Variants in ART3 observed in about 807,000 individuals in gnomAD.
The protein encoded by ART3 is ecto-ADP-ribosyltransferase 3.
In ART3, 49 loss-of-function variants were observed where a neutral mutation model predicts 48.5. The observed-to-expected ratio is 1.01, with a 90% CI of 0.80 to 1.28. ART3 has a LOEUF of 1.28. ART3 is among the 50% of genes most tolerant of loss of function. The pLI is 0.00. For synonymous variants in ART3, 145 were observed against 157.2 expected (o/e 0.92, Z 0.58); for missense variants, 438 against 454.3 (o/e 0.96, Z 0.33).
chr4:76,090,037 G>A (rs7670483), intron 3 of ART3, among the ~76,000 whole-genome samples: 16,209 of 152,078 alleles, frequency 0.11, 1,188 homozygotes, highest in East Asian at 0.34. Flanking sequence ...CTGAGATTGC[G>A]CCATTGCACT....
chr4:76,077,668 C>A (rs191743837), intron 2 of ART3, among the ~76,000 whole-genome samples: 1 of 152,108 alleles, frequency 6.6e-6, no homozygotes, highest in Non-Finnish European at 1.5e-5. Flanking sequence ...TGATTCATAG[C>A]AAAATTACCT....
intron 1 of ART3, chr4:76,035,085 G>C (rs1268262002): frequency 6.2e-7 from 1 of 1,613,872 alleles, no homozygotes; most frequent in East Asian, 2.2e-5. Flanking sequence ...TTGGGATTTA[G>C]GCATCGTTGT....
intron 1 of ART3, among the ~76,000 whole-genome samples, chr4:76,033,016 T>C (rs4345214): frequency 0.61 from 92,787 of 151,710 alleles, 29,459 homozygotes; most frequent in East Asian, 0.94. Flanking sequence ...TAATGCAATA[T>C]AGATATATCT....
chr4:76,048,151 GA>G, intron 1 of ART3, among the ~76,000 whole-genome samples: 1 of 152,052 alleles, frequency 6.6e-6, no homozygotes, highest in Middle Eastern at 3.4e-3. Flanking sequence ...AGGATATGGG[GA>G]TAAGCTGAGA....
At chr4:76,078,155 T>A (rs1018696394) in intron 2 of ART3, among the ~76,000 whole-genome samples, 5 of 152,134 alleles carry the variant, frequency 3.3e-5, no homozygotes, top group Admixed American at 1.3e-4. Flanking sequence ...TTTTTTAGTA[T>A]CTGTTCAGTT....
At chr4:76,039,357 T>C (rs1268909277) in intron 1 of ART3, among the ~76,000 whole-genome samples, 3 of 152,152 alleles carry the variant, frequency 2.0e-5, no homozygotes, top group Non-Finnish European at 2.9e-5. Context: ...AACTAGGTAT[T>C]AAAAGAGGTA....
chr4:76,051,505 T>C (rs936270262), intron 1 of ART3, among the ~76,000 whole-genome samples: 2 of 152,212 alleles, frequency 1.3e-5, no homozygotes, highest in Non-Finnish European at 2.9e-5. Context: ...GAATAATGCA[T>C]GTTTTAATGC....
upstream of ART3, among the ~76,000 whole-genome samples, chr4:76,074,065 G>A (rs1177166772): frequency 6.6e-6 from 1 of 152,176 alleles, no homozygotes; most frequent in African/African-American, 2.4e-5. Context: ...TCCACAGTCA[G>A]TGAACCCTAA....
chr4:76,044,691 C>T (rs1735325916), intron 1 of ART3, among the ~76,000 whole-genome samples: 1 of 151,976 alleles, frequency 6.6e-6, no homozygotes, highest in Non-Finnish European at 1.5e-5. Flanking sequence ...TTCTGACACC[C>T]TCTTTAACGT....
At chr4:76,089,685 A>G (rs1157638500) in intron 3 of ART3, among the ~76,000 whole-genome samples, 1 of 151,720 alleles carries the variant, frequency 6.6e-6, no homozygotes, top group East Asian at 1.9e-4. Flanking sequence ...AGTTTGTAAC[A>G]TGATATAACC....
At chr4:76,029,730 C>G (rs1733710969) in intron 1 of ART3, among the ~76,000 whole-genome samples, 1 of 152,114 alleles carries the variant, frequency 6.6e-6, no homozygotes, top group Non-Finnish European at 1.5e-5. Context: ...TACTCAGTAG[C>G]CAAAAATAAT....
chr4:76,033,345 T>TA (rs1392474319), intron 1 of ART3, among the ~76,000 whole-genome samples: 4 of 152,228 alleles, frequency 2.6e-5, no homozygotes, highest in Non-Finnish European at 5.9e-5. Flanking sequence ...ATAATTTTCT[T>TA]ACTAATAGTA....
At chr4:76,016,277 C>T (rs1171816597) in intron 1 of ART3, among the ~76,000 whole-genome samples, 3 of 152,146 alleles carry the variant, frequency 2.0e-5, no homozygotes, top group Middle Eastern at 3.2e-3. Flanking sequence ...GCCATATTTG[C>T]GTTAGGAATA....
At chr4:76,036,242 G>A in intron 1 of ART3, 1 of 415,842 alleles carries the variant, frequency 2.4e-6, no homozygotes, top group Non-Finnish European at 4.2e-6. Flanking sequence ...TGTTGAAAGT[G>A]ATAAGAATGT....
At chr4:76,081,061 G>A (rs185757352) in intron 2 of ART3, among the ~76,000 whole-genome samples, 13 of 152,264 alleles carry the variant, frequency 8.5e-5, no homozygotes, top group African/African-American at 2.9e-4. Flanking sequence ...AAGCAAACAG[G>A]GAATTTATTG....
chr4:76,103,460 C>T (rs1727786160), intron 8 of ART3, among the ~76,000 whole-genome samples: 1 of 151,980 alleles, frequency 6.6e-6, no homozygotes, highest in Admixed American at 6.6e-5. Flanking sequence ...TTTTTCGCTC[C>T]GTGCAGTGTA....
At chr4:76,022,334 A>G (rs1331136369) in intron 1 of ART3, 1 of 1,563,000 alleles carries the variant, frequency 6.4e-7, no homozygotes, top group Non-Finnish European at 8.8e-7. Flanking sequence ...TTTCCTAAAG[A>G]GCAATTCTTC....
At chr4:76,022,667 A>G (rs369458712) in intron 1 of ART3, 159 of 1,611,336 alleles carry the variant, frequency 9.9e-5, no homozygotes, top group Non-Finnish European at 1.3e-4. Context: ...CAGGGAAGTG[A>G]TAATCAGATG....
At chr4:76,059,247 CT>C (rs2149475685) in intron 1 of ART3, among the ~76,000 whole-genome samples, 1 of 152,216 alleles carries the variant, frequency 6.6e-6, no homozygotes, top group South Asian at 2.1e-4. Flanking sequence ...ATTTAACAGA[CT>C]TTTTGGTTGC....
Sources: allele counts gnomAD v4.1 joint callset (sites outside exome capture counted in the v4.1 genomes callset), GRCh38; gene constraint gnomAD v4.1.1; transcripts MANE v1.5; gene names NCBI Gene and HGNC (gene_info 2026-07-23, HGNC 2026-07-21).